DHX16: variants seen among roughly 807,000 people sequenced by gnomAD.
The protein encoded by DHX16 is DEAH-box helicase 16.
In DHX16, 81 loss-of-function variants were observed where a neutral mutation model predicts 131.2. The ratio of observed to expected loss-of-function variants is 0.62; its 90% CI spans 0.52 to 0.74. The LOEUF is 0.74. DHX16 is among the 30% of genes least tolerant of loss of function. The pLI is 0.00. For missense variants in DHX16, 980 were observed against 1,363.1 expected, an observed-to-expected ratio of 0.72 and a Z score of 4.43; for synonymous variants, 440 against 520.2, an observed-to-expected ratio of 0.85 and a Z score of 2.10.
chr6:30,667,378 C>A (rs1290608427), intron 4 of DHX16, among the ~76,000 whole-genome samples: 1 of 151,930 alleles, frequency 6.6e-6, no homozygotes, highest in Non-Finnish European at 1.5e-5. Context: ...GTCAGGAGAT[C>A]GAGACCATCC....
rs1768664179 is a variant in DHX16 at position 30,663,010 on chromosome 6, G to A, written c.1329C>T (p.Asn443=). 1 of 1,612,944 alleles carries A rather than the reference G, an allele frequency of 6.2e-7. No homozygotes were observed. Among genetic ancestry groups the A allele is most frequent in the Admixed American group, 1.7e-5 (1 of 59,912 alleles). The part of the protein sequence containing the change: ...PQYLFEEGYT[N]KGMKIACTQP... ...GGGTGCAGGCAATCTTCATACCCTT[G>A]TTTGTATAACCCTGAATGACAAAGA... Residue 443 remains asparagine (N), a synonymous_variant, in exon 8 of 20, where the codon AAC becomes AAT. Coordinates refer to ENST00000376442, the MANE Select transcript of DHX16 (RefSeq NM_003587.5).
chr6:30,670,673 C>T lies in DHX16; in HGVS notation c.609+117G>A. The stretch of plus-strand genomic sequence containing the variant: ...GGGCTTCTCTCACCACAGAGGTGAA[C>T]ATCTCACTAGAGACAGCCCCTTGTC... On this transcript the variant is annotated intron_variant, in intron 3 of 19. Coordinates refer to ENST00000376442, the MANE Select transcript of DHX16 (RefSeq NM_003587.5). The surrounding 1 kb of genome is among the most constrained non-coding windows in gnomAD (Gnocchi z 4.4). 1 of 1,426,052 alleles carries T rather than the reference C, an allele frequency of 7.0e-7. No individual in the cohort carries two copies. The allele number at this position is 1,426,052 out of a possible 1,614,324, so 88.3% of individuals were successfully genotyped here.
chr6:30,653,433 AT>A lies in DHX16; in HGVS notation c.2998-64del, dbSNP rs896641870. On this transcript the variant is annotated intron_variant, in intron 19 of 19. Coordinates refer to ENST00000376442, the MANE Select transcript of DHX16 (RefSeq NM_003587.5). ...CCAACATAGATCTTTTGTTGTTGTTATTTTTTTTTCTTAAATTGAAACAGAG... is the reference window on the plus strand; with the variant it reads ...CCAACATAGATCTTTTGTTGTTGTTATTTTTTTTCTTAAATTGAAACAGAG... 1.2e-4 allele frequency: 178 copies of A among 1,506,496 alleles called. No individual in the cohort carries two copies. In the African/African-American group the frequency reaches 1.9e-3, roughly 16 times the overall value. The allele number at this position is 1,506,496 out of a possible 1,614,324, so 93.3% of individuals were successfully genotyped here. A position where few individuals can be genotyped will look rare whatever the true frequency, so the allele number is the denominator to read the frequency against.
intron 12 of DHX16, among the ~76,000 whole-genome samples, chr6:30,659,153 C>T (rs932325955): frequency 1.3e-5 from 2 of 152,212 alleles, no homozygotes; most frequent in African/African-American, 2.4e-5. Context: ...TCCGAAAGTC[C>T]TGGGATTACA....
intron 4 of DHX16, among the ~76,000 whole-genome samples, chr6:30,669,243 G>A (rs1238893419): frequency 6.6e-6 from 1 of 151,940 alleles, no homozygotes; most frequent in African/African-American, 2.4e-5. Flanking sequence ...CCAACATGAT[G>A]AAATCTCCTC....
At chr6:30,672,452 G>A (rs766331789) in intron 1 of DHX16, among the ~76,000 whole-genome samples, 183 bp downstream of exon 1, 3 of 152,046 alleles carry the variant, frequency 2.0e-5, no homozygotes, top group Non-Finnish European at 4.4e-5. Flanking sequence ...CGCTTAACCC[G>A]ACACACCTAA....
intron 18 of DHX16, 49 bp from the exon 19 acceptor site, chr6:30,654,928 G>A (rs2127576791): frequency 6.4e-7 from 1 of 1,572,742 alleles, no homozygotes; most frequent in Non-Finnish European, 8.6e-7. Context: ...AGACATCTGG[G>A]GACCCTAAGA....
chr6:30,663,716 G>C (rs1290639410), intron 7 of DHX16, among the ~76,000 whole-genome samples: 2 of 103,806 alleles, frequency 1.9e-5, no homozygotes, highest in Non-Finnish European at 3.8e-5. Context: ...GCAAGACTCT[G>C]TCTCAAAAAA....
Position 30,671,019 on chromosome 6 carries a change from C to G in DHX16, c.446+17G>C. On this transcript the variant is annotated intron_variant, in intron 2 of 19. Coordinates refer to ENST00000376442, the MANE Select transcript of DHX16 (RefSeq NM_003587.5). The stretch of plus-strand genomic sequence containing the variant: ...CTTCAGCCTGCCCCATCCTCTCTCA[C>G]CCTGCTTCTGACTTACCCTGTTTTC... 2 of 1,613,056 alleles carry G rather than the reference C, an allele frequency of 1.2e-6. No homozygotes were observed. Among genetic ancestry groups the G allele is most frequent in the Non-Finnish European group, 8.5e-7 (1 of 1,179,970 alleles).
At position 30,664,958 on chromosome 6, in the gene DHX16, T is replaced by C. The variant is rs778732132; in HGVS notation, c.1160A>G (p.Gln387Arg). 3 of 1,614,050 alleles carry C rather than the reference T, an allele frequency of 1.9e-6. No individual in the cohort carries two copies. Among genetic ancestry groups the C allele is most frequent in the South Asian group, 1.1e-5 (1 of 91,084 alleles). The change falls in exon 7 of 20, where the codon CAG (glutamine) becomes CGG (arginine). Residue 387 changes from glutamine to arginine, a missense_variant. By Grantham distance (43) the Gln-to-Arg change is conservative. Transcript: ENST00000376442. The part of the protein sequence containing the change: ...PSAPPTSTQA[Q>R]QKESIQAVRR... ...GACGGCCTGGATGGACTCTTTCTGCTGGGCCTGAGTTGAAGTGGGTGGAGC... is the reference window on the plus strand; with the variant it reads ...GACGGCCTGGATGGACTCTTTCTGCCGGGCCTGAGTTGAAGTGGGTGGAGC...
Position 30,664,911 on chromosome 6 carries a change from G to C in DHX16, c.1207C>G (p.Pro403Ala). 6.2e-7 allele frequency: 1 copy of C among 1,613,736 alleles called. No homozygotes were observed. The highest frequency in any genetic ancestry group is 8.5e-7 in the Non-Finnish European group (1 of 1,180,020). Residue 403 changes from proline (P) to alanine (A), a missense_variant, in exon 7 of 20, where the codon CCA becomes GCA. Pro to Ala is a conservative substitution (Grantham distance 27). Around this residue, in one of 3 missense-constraint regions of DHX16, gnomAD observed 457 missense variants for 554.8 expected, o/e 0.82. Transcript: ENST00000376442. Reference protein sequence around the residue: ...QAVRRSLPVFPFREELLAAIA... With the variant: ...QAVRRSLPVFAFREELLAAIA... ...GCAGCCAGGAGCTCCTCTCGAAATG[G>C]GAACACCGGGAGGCTGCGGCGGACG...
At chr6:30,669,534 G>A (rs1025451686) in intron 4 of DHX16, among the ~76,000 whole-genome samples, 1 of 151,838 alleles carries the variant, frequency 6.6e-6, no homozygotes, top group African/African-American at 2.4e-5. Flanking sequence ...AAAGCAGGTG[G>A]ATCACAAGGT....
In DHX16 at chr6:30,672,638, G is replaced by GT; in HGVS notation, c.203dup (p.Asn68LysfsTer31). 1 of 1,609,690 alleles carries GT rather than the reference G, an allele frequency of 6.2e-7. No homozygotes were observed. Among genetic ancestry groups the GT allele is most frequent in the African/African-American group, 1.3e-5 (1 of 74,982 alleles). ...CCCTCCCCACCCCTGCCGACACCTTGTTCCAGAGTCTCAGGGCGAAGTCCC... is the reference window on the plus strand; with the variant it reads ...CCCTCCCCACCCCTGCCGACACCTTGTTTCCAGAGTCTCAGGGCGAAGTCCC... On this transcript the variant is annotated frameshift_variant, in exon 1 of 20. Coordinates refer to ENST00000376442, the MANE Select transcript of DHX16 (RefSeq NM_003587.5). LOFTEE classifies it high-confidence loss of function.
rs761774062 is a variant in DHX16 at position 30,657,074 on chromosome 6, T to C, written c.2026A>G (p.Ile676Val). 1.2e-6 allele frequency: 2 copies of C among 1,612,908 alleles called. No homozygotes were observed. Among genetic ancestry groups the C allele is most frequent in the Admixed American group, 1.7e-5 (1 of 59,978 alleles). The stretch of plus-strand genomic sequence containing the variant: ...TCAATGGTGAGTGATGTCTCAGCAA[T>C]GTTCGTTGCCACAACCACCTGAGTG... ...GARKVVVATN[I>V]AETSLTIEGI... Residue 676 changes from isoleucine to valine, a missense_variant, in exon 13 of 20, where the codon ATT (isoleucine) becomes GTT (valine). Coordinates refer to ENST00000376442, the MANE Select transcript of DHX16 (RefSeq NM_003587.5).
rs779577151 is a variant in DHX16, at chr6:30,664,801, C to T, written c.1317G>A (p.Glu439=). The T allele has an allele frequency of 1.2e-6, 2 of 1,609,490 alleles. No homozygotes were observed. The highest frequency in any genetic ancestry group is 1.1e-5 in the South Asian group (1 of 91,002). Residue 439 remains glutamate, a splice_region_variant and synonymous_variant, in exon 7 of 20, where the codon GAG becomes GAA. Transcript: ENST00000376442. Reference sequence around the variant, plus strand: ...AAGCTGAAGGGTGAGATGACTGTACCTCCTCAAAGAGATACTGCGGGATCT... The same window carrying T: ...AAGCTGAAGGGTGAGATGACTGTACTTCCTCAAAGAGATACTGCGGGATCT... ...TTQIPQYLFE[E]GYTNKGMKIA...
Position 30,656,518 on chromosome 6 carries a change from A to T in DHX16, c.2312-9T>A. ...CATTAGGTCATGGATCCCTAGAAAG[A>T]GGTGTGATGGATGGAACAGAGTCCC... On this transcript the variant is annotated splice_polypyrimidine_tract_variant and intron_variant, in intron 14 of 19. Transcript: ENST00000376442. The surrounding 1 kb of genome is among the most constrained non-coding windows in gnomAD (Gnocchi z 5.1). The T allele has an allele frequency of 6.2e-7, 1 of 1,614,072 alleles. No homozygotes were observed. Among genetic ancestry groups the T allele is most frequent in the Non-Finnish European group, 8.5e-7 (1 of 1,179,974 alleles).
chr6:30,657,409 C>T (rs965246032), intron 12 of DHX16, among the ~76,000 whole-genome samples: 3 of 151,560 alleles, frequency 2.0e-5, no homozygotes, highest in African/African-American at 7.3e-5. Flanking sequence ...CGTCTTCACA[C>T]AACACTTCCT....
At chr6:30,658,448 C>G (rs1198212502) in intron 12 of DHX16, among the ~76,000 whole-genome samples, 1 of 150,932 alleles carries the variant, frequency 6.6e-6, no homozygotes, top group Non-Finnish European at 1.5e-5. Context: ...GGGGCTGAGA[C>G]AGGAGAATCG....
In DHX16 at chr6:30,672,950, A is replaced by C. The variant is rs981492087; in HGVS notation, c.-109T>G. On this transcript the variant is annotated 5_prime_UTR_variant, in exon 1 of 20. Transcript: ENST00000376442. ...GGCTGGAGCCTCAGCTTCGCAAGTC[A>C]GCTACCTTGGGACCTCTAGGATCTT... is the stretch of plus-strand genomic sequence containing the variant. 3.9e-6 allele frequency: 6 copies of C among 1,556,952 alleles called. No homozygotes were observed. The South Asian group carries it at 5.9e-5, about 15-fold the overall frequency.
Sources: gnomAD v4.1 joint callset for allele counts (sites outside exome capture counted in the v4.1 genomes callset) on GRCh38, gnomAD v4.1.1 for gene constraint, gnomAD v4.1.1 regional missense constraint, Gnocchi (gnomAD v3.1) non-coding constraint, MANE v1.5 for transcripts, NCBI Gene and HGNC (gene_info 2026-07-23, HGNC 2026-07-21) for gene names.